The following DGKB variants were observed in gnomAD, a reference collection of about 807,000 sequenced individuals.
DGKB encodes the protein 90 kDa diacylglycerol kinase.
DGKB carries 67 observed loss-of-function variants against 114.3 expected under a neutral mutation model. That is an observed-to-expected ratio of 0.59 (90% CI 0.48 to 0.72). The LOEUF (loss-of-function observed/expected upper bound fraction) is 0.72. Among genes scored for constraint, DGKB ranks in the 30% least tolerant of loss-of-function variants. DGKB has a pLI of 0.00. For missense variants in DGKB, 907 were observed against 975.2 expected, an observed-to-expected ratio of 0.93 and a Z score of 0.93; for synonymous variants, 398 against 323.1, an observed-to-expected ratio of 1.23 and a Z score of -2.49.
chr7:14,294,121 G>A (rs1802173348), intron 23 of DGKB, among the ~76,000 whole-genome samples: 1 of 151,852 alleles, frequency 6.6e-6, no homozygotes, highest in African/African-American at 2.4e-5. Flanking sequence ...ATGGCTCATG[G>A]CCCCCTTCAA....
intron 16 of DGKB, among the ~76,000 whole-genome samples, chr7:14,612,117 A>G (rs1805652487): frequency 1.4e-5 from 2 of 145,890 alleles, no homozygotes; most frequent in Admixed American, 1.4e-4. Context: ...GGAGTAAAAC[A>G]TAACTATATA....
chr7:14,433,704 T>C (rs904549600), intron 21 of DGKB, among the ~76,000 whole-genome samples: 5 of 152,136 alleles, frequency 3.3e-5, no homozygotes, highest in African/African-American at 9.7e-5. Context: ...AGCAAAATAG[T>C]CAATTAAGGA....
chr7:14,473,129 T>C (rs1401974720), intron 21 of DGKB, among the ~76,000 whole-genome samples: 2 of 152,132 alleles, frequency 1.3e-5, no homozygotes, highest in Non-Finnish European at 2.9e-5. Context: ...GTCAGAGACC[T>C]TTGCAGTAGG....
chr7:14,797,653 T>C (rs527336720), intron 2 of DGKB, among the ~76,000 whole-genome samples: 1 of 152,244 alleles, frequency 6.6e-6, no homozygotes, highest in Non-Finnish European at 1.5e-5. Context: ...TATTTTTTTT[T>C]TTTCCTGAGG....
chr7:14,605,480 A>G (rs1804327437), intron 17 of DGKB, among the ~76,000 whole-genome samples: 1 of 151,550 alleles, frequency 6.6e-6, no homozygotes, highest in Admixed American at 6.6e-5. Context: ...GCTACAGCAA[A>G]CAACCACAAT....
In DGKB at chr7:14,841,350, A is replaced by C; in HGVS notation, c.-87T>G. 2 of 1,143,504 alleles carry C rather than the reference A, an allele frequency of 1.7e-6. No homozygotes were observed. The highest frequency in any genetic ancestry group is 2.5e-6 in the Non-Finnish European group (2 of 793,576). The allele number at this position is 1,143,504 out of a possible 1,614,324, so 70.8% of individuals were successfully genotyped here. Reference sequence around the variant, plus strand: ...GAGGTCTATGCTTCAAAGATTCCACATGGCATGTTTCATGATAAAATACCT... The same window carrying C: ...GAGGTCTATGCTTCAAAGATTCCACCTGGCATGTTTCATGATAAAATACCT... On this transcript the variant is annotated 5_prime_UTR_variant, in exon 2 of 26. It removes an upstream start codon present in the reference 5' UTR. Coordinates refer to ENST00000402815, the MANE Select transcript of DGKB (RefSeq NM_001350709.2).
intron 21 of DGKB, among the ~76,000 whole-genome samples, chr7:14,434,101 A>G (rs1216501160): frequency 6.6e-6 from 1 of 152,170 alleles, no homozygotes; most frequent in African/African-American, 2.4e-5. Flanking sequence ...TTTGGAGTAT[A>G]AGATAGTTAT....
intron 13 of DGKB, among the ~76,000 whole-genome samples, chr7:14,662,823 T>C (rs1187352970): frequency 6.6e-6 from 1 of 151,980 alleles, no homozygotes; most frequent in African/African-American, 2.4e-5. Context: ...ATTCTTCTTA[T>C]ATAACTGTAT....
intron 23 of DGKB, among the ~76,000 whole-genome samples, chr7:14,210,355 C>A (rs1260102430): frequency 1.3e-5 from 2 of 152,114 alleles, no homozygotes; most frequent in Non-Finnish European, 2.9e-5. Context: ...CCAGCCAACT[C>A]TTCAAGACTA....
intron 20 of DGKB, among the ~76,000 whole-genome samples, chr7:14,533,792 A>T (rs1220496552): frequency 1.3e-5 from 2 of 151,988 alleles, no homozygotes; most frequent in African/African-American, 4.8e-5. Flanking sequence ...AAAGCAAAAA[A>T]TTGTCAACCA....
intron 21 of DGKB, among the ~76,000 whole-genome samples, chr7:14,383,299 A>T (rs370459519): frequency 1.2e-4 from 19 of 152,274 alleles, no homozygotes; most frequent in African/African-American, 4.6e-4. Flanking sequence ...CTAAAGCAAT[A>T]CCTAAGAAAG....
At chr7:14,265,479 T>C (rs1011928722) in intron 23 of DGKB, among the ~76,000 whole-genome samples, 1 of 151,988 alleles carries the variant, frequency 6.6e-6, no homozygotes, top group Admixed American at 6.6e-5. Flanking sequence ...CTTCTTTCTA[T>C]TGTGTCTTCT....
intron 1 of DGKB, among the ~76,000 whole-genome samples, chr7:14,919,130 T>C (rs1316507432): frequency 8.7e-6 from 1 of 114,900 alleles, no homozygotes; most frequent in Non-Finnish European, 1.7e-5. Flanking sequence ...ACACAAAGTT[T>C]ATATGGAAAG....
At chr7:14,392,995 G>GTTTTTTTGTTTTTTTT (rs1554404750) in intron 21 of DGKB, among the ~76,000 whole-genome samples, 1 of 60,546 alleles carries the variant, frequency 1.7e-5, no homozygotes, top group South Asian at 8.2e-4. Context: ...TTTTGTTTTT[G>GTTTTTTTGTTTTTTTT]TTTTTTTTTT....
chr7:14,715,621 C>G (rs2128342666), intron 6 of DGKB, among the ~76,000 whole-genome samples: 1 of 152,174 alleles, frequency 6.6e-6, no homozygotes, highest in East Asian at 1.9e-4. Flanking sequence ...CGGGAAGGTC[C>G]TCAGAGAGAA....
chr7:14,154,903 CT>C (rs1411445286), intron 25 of DGKB, among the ~76,000 whole-genome samples: 13 of 149,360 alleles, frequency 8.7e-5, no homozygotes, highest in Non-Finnish European at 1.8e-4. Context: ...CTTCTAAATA[CT>C]TTTTAAAAAT....
chr7:14,971,268 T>C (rs1454387443), intron 1 of DGKB, among the ~76,000 whole-genome samples: 3 of 152,124 alleles, frequency 2.0e-5, no homozygotes, highest in Non-Finnish European at 4.4e-5. Flanking sequence ...AAAGGAACAA[T>C]AGTCATAAAT....
intron 21 of DGKB, among the ~76,000 whole-genome samples, chr7:14,372,819 C>G (rs1020195136): frequency 1.3e-5 from 2 of 152,030 alleles, no homozygotes; most frequent in African/African-American, 2.4e-5. Context: ...TCAAGTTTAT[C>G]CATTGAATCT....
At chr7:14,463,987 TA>T (rs771934601) in intron 21 of DGKB, among the ~76,000 whole-genome samples, 28 of 151,850 alleles carry the variant, frequency 1.8e-4, no homozygotes, top group Non-Finnish European at 3.1e-4. Context: ...AGATTGGGAC[TA>T]ACGATTAGTG....
Sources: allele counts gnomAD v4.1 joint callset (sites outside exome capture counted in the v4.1 genomes callset), GRCh38; gene constraint gnomAD v4.1.1; transcripts MANE v1.5; gene names NCBI Gene and HGNC (gene_info 2026-07-23, HGNC 2026-07-21).